Variants in QTMAN observed in about 807,000 individuals in gnomAD.
The protein encoded by QTMAN is tRNA-queuosine alpha-mannosyltransferase.
chr2:144,092,106 T>C, the QTMAN span, among the ~76,000 whole-genome samples: 4 of 152,116 alleles, frequency 2.6e-5, no homozygotes, highest in Admixed American at 2.0e-4. Context: ...GTGATGGATA[T>C]GTTCATTATC....
At chr2:144,216,925 A>T in the QTMAN span, among the ~76,000 whole-genome samples, 1 of 152,240 alleles carries the variant, frequency 6.6e-6, no homozygotes, top group African/African-American at 2.4e-5. Context: ...TAGAGAGCCC[A>T]TTCCACATTT....
the QTMAN span, among the ~76,000 whole-genome samples, chr2:144,126,113 T>C: frequency 6.6e-6 from 1 of 151,982 alleles, no homozygotes; most frequent in African/African-American, 2.4e-5. Flanking sequence ...ATAGATTGCC[T>C]GAGGACACTT....
At chr2:144,176,376 T>C in the QTMAN span, among the ~76,000 whole-genome samples, 1 of 152,106 alleles carries the variant, frequency 6.6e-6, no homozygotes, top group Admixed American at 6.6e-5. Context: ...TCTAATAAAA[T>C]ATGTACAGTT....
the QTMAN span, among the ~76,000 whole-genome samples, chr2:144,186,005 G>T: frequency 6.6e-6 from 1 of 152,202 alleles, no homozygotes; most frequent in Non-Finnish European, 1.5e-5. Flanking sequence ...ATGAAGAAAA[G>T]TCAGTGCAGA....
the QTMAN span, among the ~76,000 whole-genome samples, chr2:143,956,007 G>A: frequency 3.3e-5 from 5 of 152,122 alleles, no homozygotes; most frequent in African/African-American, 1.2e-4. Context: ...CCTGGTACCT[G>A]GTCCTTTTCA....
chr2:144,170,517 C>A, the QTMAN span, among the ~76,000 whole-genome samples: 8 of 152,080 alleles, frequency 5.3e-5, no homozygotes, highest in Non-Finnish European at 1.2e-4. Flanking sequence ...AAACTCAGAT[C>A]TTTTATAGTA....
At chr2:143,987,402 T>C in the QTMAN span, among the ~76,000 whole-genome samples, 448 of 152,356 alleles carry the variant, frequency 2.9e-3, 9 homozygotes, top group East Asian at 0.022. Context: ...TTGCAACATA[T>C]GTGGCTCAGG....
At chr2:144,104,845 G>A in the QTMAN span, among the ~76,000 whole-genome samples, 87 of 152,324 alleles carry the variant, frequency 5.7e-4, no homozygotes, top group South Asian at 1.5e-3. Context: ...AGCCTAACTG[G>A]GAGGCACCCC....
At chr2:143,990,831 C>T in the QTMAN span, among the ~76,000 whole-genome samples, 7 of 152,172 alleles carry the variant, frequency 4.6e-5, no homozygotes, top group Middle Eastern at 3.4e-3. Context: ...CTAAAATTAT[C>T]AAACATGGGA....
chr2:144,123,501 A>T, the QTMAN span, among the ~76,000 whole-genome samples: 1 of 152,138 alleles, frequency 6.6e-6, no homozygotes, highest in East Asian at 1.9e-4. Context: ...TTTATAACAC[A>T]GATAACTAAA....
chr2:144,163,083 C>CA, the QTMAN span, among the ~76,000 whole-genome samples: 1 of 151,630 alleles, frequency 6.6e-6, no homozygotes, highest in Non-Finnish European at 1.5e-5. Context: ...TATTTTTACC[C>CA]AAAAAAGATC....
chr2:144,105,508 T>C, the QTMAN span, among the ~76,000 whole-genome samples: 3 of 152,136 alleles, frequency 2.0e-5, no homozygotes, highest in South Asian at 2.1e-4. Flanking sequence ...GTATCAGTGA[T>C]TGAAGATCAA....
the QTMAN span, among the ~76,000 whole-genome samples, chr2:144,123,762 G>A: frequency 6.6e-6 from 1 of 152,018 alleles, no homozygotes; most frequent in Admixed American, 6.6e-5. Context: ...TAATCTTAGA[G>A]TCATAGATCC....
the QTMAN span, among the ~76,000 whole-genome samples, chr2:144,141,588 CAAAA>C: frequency 1.2e-5 from 1 of 81,722 alleles, no homozygotes; most frequent in Non-Finnish European, 2.6e-5. Flanking sequence ...ACTTCTGTAA[CAAAA>C]AAAAAAAAAA....
At chr2:144,238,603 AC>A in the QTMAN span, among the ~76,000 whole-genome samples, 1 of 151,888 alleles carries the variant, frequency 6.6e-6, no homozygotes, top group Admixed American at 6.6e-5. Flanking sequence ...CCATTATGAA[AC>A]CCTCTACCTG....
the QTMAN span, among the ~76,000 whole-genome samples, chr2:144,035,935 T>C: frequency 3.3e-5 from 5 of 152,178 alleles, no homozygotes; most frequent in African/African-American, 9.7e-5. Context: ...GCACCCTAAA[T>C]CACCTATCCC....
At chr2:144,284,613 TAAAAG>T in the QTMAN span, among the ~76,000 whole-genome samples, 1 of 152,054 alleles carries the variant, frequency 6.6e-6, no homozygotes, top group Non-Finnish European at 1.5e-5. Flanking sequence ...AAAATAAAAA[TAAAAG>T]AAAATTAGCA....
chr2:143,996,744 G>T, the QTMAN span, among the ~76,000 whole-genome samples: 1 of 152,060 alleles, frequency 6.6e-6, no homozygotes, highest in Admixed American at 6.6e-5. Context: ...GGAAGTATCA[G>T]AGGGCCTGGT....
chr2:144,208,826 T>C, the QTMAN span: 1 of 1,437,426 alleles, frequency 7.0e-7, no homozygotes, highest in Non-Finnish European at 9.4e-7. Flanking sequence ...CCAAAAAATG[T>C]ATATTTTTTC....
Sources: gnomAD v4.1 joint callset for allele counts (sites outside exome capture counted in the v4.1 genomes callset) on GRCh38, gnomAD v4.1.1 for gene constraint, MANE v1.5 for transcripts, NCBI Gene and HGNC (gene_info 2026-07-23, HGNC 2026-07-21) for gene names.